DPF3: variants seen among roughly 807,000 people sequenced by gnomAD.
The protein encoded by DPF3 is zinc finger protein DPF3.
DPF3 carries 18 observed loss-of-function variants against 56.8 expected under a neutral mutation model. The observed-to-expected ratio is 0.32, with a 90% CI of 0.22 to 0.47. The LOEUF (loss-of-function observed/expected upper bound fraction) is 0.47, where lower values mean the gene tolerates loss of function less well. Ranked by LOEUF, DPF3 falls within the 20% of genes least tolerant of loss-of-function variation. The pLI is 1.00. For missense variants in DPF3, 403 were observed against 488.8 expected (o/e 0.82, Z 1.65); for synonymous variants, 188 against 180.2 (o/e 1.04, Z -0.35).
chr14:72,836,513 C>G, intron 1 of DPF3: 1 of 985,422 alleles, frequency 1.0e-6, no homozygotes, highest in Non-Finnish European at 1.2e-6. Context: ...TTCTGACCAC[C>G]TCGTGGGGAG....
intron 6 of DPF3, among the ~76,000 whole-genome samples, chr14:72,694,218 T>G (rs1186813388): frequency 1.3e-5 from 2 of 152,162 alleles, no homozygotes; most frequent in African/African-American, 2.4e-5. Flanking sequence ...GGGACGGCAT[T>G]GCTGGTAGCA....
chr14:72,861,723 GAGAA>G (rs1462924100), intron 1 of DPF3, among the ~76,000 whole-genome samples: 3 of 71,772 alleles, frequency 4.2e-5, no homozygotes, highest in Non-Finnish European at 8.2e-5. Flanking sequence ...AAGAAAGAGA[GAGAA>G]AGAAAGAAAG....
chr14:72,797,343 T>C (rs1016094791), intron 1 of DPF3, among the ~76,000 whole-genome samples: 1 of 152,164 alleles, frequency 6.6e-6, no homozygotes, highest in Non-Finnish European at 1.5e-5. Context: ...ACCCACGGAA[T>C]AGTAAGCAAA....
At chr14:72,893,883 C>T (rs1025332539) in intron 1 of DPF3, among the ~76,000 whole-genome samples, 174 bp downstream of exon 1, 1 of 152,172 alleles carries the variant, frequency 6.6e-6, no homozygotes, top group Admixed American at 6.5e-5. Context: ...GACATTTCTG[C>T]GCGTTGGGGG....
intron 8 of DPF3, chr14:72,662,290 A>G: frequency 1.0e-6 from 1 of 985,096 alleles, no homozygotes; most frequent in Non-Finnish European, 1.2e-6. Flanking sequence ...AATGTGGGGC[A>G]TTTTTCTTTA....
chr14:72,881,084 T>G (rs1886303954), intron 1 of DPF3, among the ~76,000 whole-genome samples: 2 of 152,230 alleles, frequency 1.3e-5, no homozygotes, highest in Non-Finnish European at 2.9e-5. Context: ...TGACTGAACG[T>G]ACATCCAGTC....
Position 72,616,395 on chromosome 14 carries a change from C to T in DPF3, c.*2902G>A, listed in dbSNP as rs970447627. On this transcript the variant is annotated 3_prime_UTR_variant, in exon 11 of 11. Coordinates refer to ENST00000556509, the MANE Select transcript of DPF3 (RefSeq NM_001280542.3). ...CCATGTACATCCCTCACCTCCACCC[C>T]ACAGCCCATGCAAGTCATGATTTCC... is the stretch of plus-strand genomic sequence containing the variant. Among the ~76,000 whole-genome samples the T allele has an allele frequency of 3.3e-5, 5 of 152,170 alleles. No homozygotes were observed. Among genetic ancestry groups the T allele is most frequent in the African/African-American group, 1.2e-4 (5 of 41,444 alleles).
intron 1 of DPF3, among the ~76,000 whole-genome samples, chr14:72,831,227 C>T (rs201965136): frequency 6.6e-6 from 1 of 152,074 alleles, no homozygotes; most frequent in Non-Finnish European, 1.5e-5. Context: ...GAGGGGATTC[C>T]GAGCCTCTCT....
At chr14:72,817,444 G>A (rs1883338362) in intron 1 of DPF3, among the ~76,000 whole-genome samples, 1 of 152,112 alleles carries the variant, frequency 6.6e-6, no homozygotes, top group Non-Finnish European at 1.5e-5. Context: ...ATCACCTGAG[G>A]TCAGAGGTTC....
intron 4 of DPF3, among the ~76,000 whole-genome samples, chr14:72,730,801 A>G (rs894863227): frequency 6.6e-6 from 1 of 152,186 alleles, no homozygotes; most frequent in Non-Finnish European, 1.5e-5. Context: ...TAATAGGATC[A>G]ATTCATATTA....
At chr14:72,740,133 C>T (rs758667861) in intron 3 of DPF3, among the ~76,000 whole-genome samples, 3 of 152,126 alleles carry the variant, frequency 2.0e-5, no homozygotes, top group Non-Finnish European at 2.9e-5. Flanking sequence ...AGCACAAAAG[C>T]TCTGAAGCCG....
Position 72,611,558 on chromosome 14 carries a change from C to T in DPF3, c.*7739G>A, listed in dbSNP as rs1464303253. Among the ~76,000 whole-genome samples, 4 of 152,114 alleles carry T rather than the reference C, an allele frequency of 2.6e-5. No homozygotes were observed. The highest frequency in any genetic ancestry group is 4.1e-4 in the South Asian group (2 of 4,826). ...CTGCTTTCTCTAGCAGGGAAAAGAC[C>T]ACTGTGGGGGTCATTTTCTGCCTCT... On this transcript the variant is annotated 3_prime_UTR_variant, in exon 11 of 11. Transcript: ENST00000556509.
chr14:72,755,619 C>A (rs1234372947), intron 2 of DPF3, among the ~76,000 whole-genome samples: 1 of 152,176 alleles, frequency 6.6e-6, no homozygotes, highest in African/African-American at 2.4e-5. Flanking sequence ...ACAAAGATGA[C>A]AAATGTCAGT....
At chr14:72,872,111 T>C (rs561056740) in intron 1 of DPF3, among the ~76,000 whole-genome samples, 15 of 152,290 alleles carry the variant, frequency 9.8e-5, no homozygotes, top group African/African-American at 3.1e-4. Context: ...CCCTCTGAAG[T>C]CACAGCCCGA....
At chr14:72,760,512 CG>C (rs2139919660) in intron 2 of DPF3, among the ~76,000 whole-genome samples, 2 of 152,280 alleles carry the variant, frequency 1.3e-5, no homozygotes, top group South Asian at 4.1e-4. Flanking sequence ...AGGTAACATA[CG>C]CACAGATTTC....
rs1330445504 is a variant in DPF3 at position 72,609,186 on chromosome 14, T to C, written c.*10111A>G. Among the ~76,000 whole-genome samples, 1 of 152,168 alleles carries C rather than the reference T, an allele frequency of 6.6e-6. No individual in the cohort carries two copies. Among genetic ancestry groups the C allele is most frequent in the Admixed American group, 6.5e-5 (1 of 15,278 alleles). ...GCTTGTGACTCAGTCTTTGAGAACG[T>C]GCGAGCATTCCATGGGATATCGAGG... On this transcript the variant is annotated 3_prime_UTR_variant, in exon 11 of 11. Transcript: ENST00000556509.
chr14:72,706,708 C>T (rs1376133213), intron 6 of DPF3, among the ~76,000 whole-genome samples: 2 of 152,088 alleles, frequency 1.3e-5, no homozygotes, highest in African/African-American at 2.4e-5. Context: ...CACCATGACT[C>T]AAAATAAGAG....
intron 7 of DPF3, among the ~76,000 whole-genome samples, chr14:72,679,520 C>T (rs1432408398): frequency 1.3e-5 from 2 of 152,208 alleles, no homozygotes; most frequent in Non-Finnish European, 2.9e-5. Flanking sequence ...AGTTGGGGTG[C>T]ACAGCCCTTG....
chr14:72,788,334 T>C (rs930749153), intron 1 of DPF3, among the ~76,000 whole-genome samples: 3 of 151,856 alleles, frequency 2.0e-5, no homozygotes, highest in Admixed American at 6.6e-5. Flanking sequence ...GAAGAACTCA[T>C]GCAAGCAGAG....
Sources: allele counts gnomAD v4.1 joint callset (sites outside exome capture counted in the v4.1 genomes callset), GRCh38; gene constraint gnomAD v4.1.1; transcripts MANE v1.5; gene names NCBI Gene and HGNC (gene_info 2026-07-23, HGNC 2026-07-21).